The following OTUD3 variants were observed in gnomAD, a reference collection of about 807,000 sequenced individuals.
OTUD3 encodes OTU deubiquitinase 3, also known as OTU domain-containing protein 3.
Under a neutral mutation model 46.2 loss-of-function variants are expected in OTUD3, and 24 were observed. The observed-to-expected ratio is 0.52, with a 90% CI of 0.38 to 0.73. The LOEUF is 0.73. Ranked by LOEUF, OTUD3 falls within the 30% of genes least tolerant of loss-of-function variation. The probability of loss-of-function intolerance (pLI) is 0.00; values close to 1 mark genes in which losing one functional copy is unlikely to be tolerated. For synonymous variants in OTUD3, 189 were observed against 195.4 expected (o/e 0.97, Z 0.27); for missense variants, 455 against 523.3 (o/e 0.87, Z 1.27).
intron 6 of OTUD3, among the ~76,000 whole-genome samples, chr1:19,906,055 A>C (rs2045657289): frequency 6.6e-6 from 1 of 152,238 alleles, no homozygotes; most frequent in Non-Finnish European, 1.5e-5. Context: ...ATTTAAATGT[A>C]AATGGCCACA....
At chr1:19,889,719 C>T (rs2100258661) in intron 1 of OTUD3, among the ~76,000 whole-genome samples, 1 of 152,250 alleles carries the variant, frequency 6.6e-6, no homozygotes, top group South Asian at 2.1e-4. Flanking sequence ...TTAAAGTTTT[C>T]ATTTGGCAGG....
rs2045723745 is a variant in OTUD3, at chr1:19,910,738, G to A, written c.*2992G>A. The stretch of plus-strand genomic sequence containing the variant: ...CTTGTGGAGCAGCTGGAGCTGGCTG[G>A]GAGGGAGCCTCTCCATGGGTAATTT... On this transcript the variant is annotated 3_prime_UTR_variant, in exon 8 of 8. Coordinates refer to ENST00000375120, the MANE Select transcript of OTUD3 (RefSeq NM_015207.2). 1 of 152,332 alleles carries A rather than the reference G, an allele frequency of 6.6e-6. No homozygotes were observed. The highest frequency in any genetic ancestry group is 6.5e-5 in the Admixed American group (1 of 15,286). 9.4% of individuals were successfully genotyped at this position (152,332 alleles called of 1,614,324 possible). A position where few individuals can be genotyped will look rare whatever the true frequency, so the allele number is the denominator to read the frequency against.
At chr1:19,906,320 A>C (rs1321121222) in intron 6 of OTUD3, 112 bp from the exon 7 acceptor site, 2 of 866,074 alleles carry the variant, frequency 2.3e-6, no homozygotes, top group African/African-American at 3.4e-5. Context: ...AAGGAAACTT[A>C]CTTCCCTTAT....
At chr1:19,903,808 A>G (rs1355218865) in intron 4 of OTUD3, among the ~76,000 whole-genome samples, 1 of 152,186 alleles carries the variant, frequency 6.6e-6, no homozygotes, top group Non-Finnish European at 1.5e-5. Flanking sequence ...CAGTACCTCT[A>G]AGCGTGCTGA....
intron 4 of OTUD3, among the ~76,000 whole-genome samples, chr1:19,899,059 C>T (rs767094203): frequency 3.0e-4 from 45 of 152,168 alleles, no homozygotes; most frequent in Non-Finnish European, 5.7e-4. Context: ...GATCCTCCTG[C>T]CTTGGCCTTC....
chr1:19,895,810 T>C (rs2045510329), intron 3 of OTUD3, among the ~76,000 whole-genome samples: 1 of 152,214 alleles, frequency 6.6e-6, no homozygotes, highest in Admixed American at 6.5e-5. Flanking sequence ...TTACACTGTT[T>C]TGCAGAAGTT....
At chr1:19,896,685 TGTTTTGGA>T (rs2045522442) in intron 3 of OTUD3, among the ~76,000 whole-genome samples, 2 of 152,228 alleles carry the variant, frequency 1.3e-5, no homozygotes, top group African/African-American at 4.8e-5. Flanking sequence ...AATGTGCTGA[TGTTTTGGA>T]GTTTAAACAA....
intron 4 of OTUD3, among the ~76,000 whole-genome samples, chr1:19,901,630 T>C (rs1181279823): frequency 6.6e-6 from 1 of 152,170 alleles, no homozygotes; most frequent in Admixed American, 6.5e-5. Flanking sequence ...TCCCAAAATA[T>C]TTTCATCACC....
chr1:19,883,623 C>G (rs2045307730), intron 1 of OTUD3, among the ~76,000 whole-genome samples: 1 of 152,018 alleles, frequency 6.6e-6, no homozygotes, highest in Admixed American at 6.5e-5. Context: ...AATTAAAGAC[C>G]ATAAGGAATT....
At chr1:19,900,904 G>GTTTT (rs1313225968) in intron 4 of OTUD3, among the ~76,000 whole-genome samples, 18 of 129,988 alleles carry the variant, frequency 1.4e-4, no homozygotes, top group African/African-American at 3.1e-4. Flanking sequence ...TCCTATTGAG[G>GTTTT]TTTTTTTTTT....
chr1:19,884,915 A>G (rs550613364), intron 1 of OTUD3, among the ~76,000 whole-genome samples: 2 of 152,314 alleles, frequency 1.3e-5, no homozygotes, highest in African/African-American at 4.8e-5. Flanking sequence ...TGAGAAGGAA[A>G]AGGCTACTAC....
chr1:19,882,902 C>G (rs1571152924), intron 1 of OTUD3, among the ~76,000 whole-genome samples, 168 bp downstream of exon 1: 1 of 152,242 alleles, frequency 6.6e-6, no homozygotes, highest in South Asian at 2.1e-4. Flanking sequence ...GTGAGGCGGA[C>G]AAGCCCCTCG....
At chr1:19,902,123 C>G in intron 4 of OTUD3, among the ~76,000 whole-genome samples, 1 of 152,312 alleles carries the variant, frequency 6.6e-6, no homozygotes, top group East Asian at 1.9e-4. Flanking sequence ...GTTTTACTTG[C>G]CACCGGTAAT....
chr1:19,882,744 G>A lies in OTUD3; in HGVS notation c.221+10G>A, dbSNP rs1435063096. ...AGGTGCCGGGGGACGGGTGAGGCGGGCCGGGAGCGAGGGAGGCGGCGCCGG... is the reference window on the plus strand; with the variant it reads ...AGGTGCCGGGGGACGGGTGAGGCGGACCGGGAGCGAGGGAGGCGGCGCCGG... On this transcript the variant is annotated intron_variant, in intron 1 of 7. Coordinates refer to ENST00000375120, the MANE Select transcript of OTUD3 (RefSeq NM_015207.2). The A allele has an allele frequency of 1.5e-6, 2 of 1,318,546 alleles. No individual in the cohort carries two copies. The highest frequency in any genetic ancestry group is 1.9e-6 in the Non-Finnish European group (2 of 1,035,512). The allele number at this position is 1,318,546 out of a possible 1,614,324, so 81.7% of individuals were successfully genotyped here.
chr1:19,909,869 G>C lies in OTUD3; in HGVS notation c.*2123G>C, dbSNP rs1417555019. The C allele has an allele frequency of 6.6e-6, 1 of 152,284 alleles. No individual in the cohort carries two copies. The highest frequency in any genetic ancestry group is 1.9e-4 in the East Asian group (1 of 5,332). 9.4% of individuals were successfully genotyped at this position (152,284 alleles called of 1,614,324 possible). On this transcript the variant is annotated 3_prime_UTR_variant, in exon 8 of 8. Coordinates refer to ENST00000375120, the MANE Select transcript of OTUD3 (RefSeq NM_015207.2). Reference sequence around the variant, plus strand: ...CTGGTAATAGGCTTCAGCATTTCTGGAGTATAATAATGGTGGTTTAAAAAA... The same window carrying C: ...CTGGTAATAGGCTTCAGCATTTCTGCAGTATAATAATGGTGGTTTAAAAAA...
Position 19,890,643 on chromosome 1 carries a change from A to T in OTUD3, c.370+110A>T, listed in dbSNP as rs544883377. On this transcript the variant is annotated intron_variant, in intron 2 of 7. Coordinates refer to ENST00000375120, the MANE Select transcript of OTUD3 (RefSeq NM_015207.2). ...AGGGTTTGGTTATATAAATCACGAC[A>T]TTCATTTATTCAAGAAATATTTGTT... 8 of 945,902 alleles carry T rather than the reference A, an allele frequency of 8.5e-6. No individual in the cohort carries two copies. The East Asian group carries it at 1.7e-4, about 20-fold the overall frequency. The allele number at this position is 945,902 out of a possible 1,614,324, so 58.6% of individuals were successfully genotyped here. A position where few individuals can be genotyped will look rare whatever the true frequency, so the allele number is the denominator to read the frequency against.
intron 6 of OTUD3, 98 bp from the exon 7 acceptor site, chr1:19,906,334 T>G: frequency 9.5e-7 from 1 of 1,048,780 alleles, no homozygotes; most frequent in Non-Finnish European, 1.3e-6. Context: ...CCCTTATGAC[T>G]GAAGTAGGGA....
chr1:19,908,326 G>T lies in OTUD3; in HGVS notation c.*580G>T, dbSNP rs1194325841. On this transcript the variant is annotated 3_prime_UTR_variant, in exon 8 of 8. Coordinates refer to ENST00000375120, the MANE Select transcript of OTUD3 (RefSeq NM_015207.2). ...CGTGAGGGTTGTGGCCTGCAGTCAG[G>T]ATGGAAATTAACCGCATTTCTCTCC... The T allele has an allele frequency of 6.6e-6, 1 of 152,332 alleles. No individual in the cohort carries two copies. Among genetic ancestry groups the T allele is most frequent in the Non-Finnish European group, 1.5e-5 (1 of 68,050 alleles). The allele number at this position is 152,332 out of a possible 1,614,324, so 9.4% of individuals were successfully genotyped here. A position where few individuals can be genotyped will look rare whatever the true frequency, so the allele number is the denominator to read the frequency against.
At chr1:19,899,574 A>G (rs956057002) in intron 4 of OTUD3, among the ~76,000 whole-genome samples, 5 of 152,258 alleles carry the variant, frequency 3.3e-5, no homozygotes, top group Non-Finnish European at 5.9e-5. Flanking sequence ...AGCAATGTGC[A>G]GTACCTTTTA....
Sources: allele counts gnomAD v4.1 joint callset (sites outside exome capture counted in the v4.1 genomes callset), GRCh38; gene constraint gnomAD v4.1.1; transcripts MANE v1.5; gene names NCBI Gene and HGNC (gene_info 2026-07-23, HGNC 2026-07-21).